DISC1: variants seen among roughly 807,000 people sequenced by gnomAD.
The protein encoded by DISC1 is DISC1 scaffold protein, also known as disrupted in schizophrenia 1 protein.
Under a neutral mutation model 84.5 loss-of-function variants are expected in DISC1, and 57 were observed. The observed-to-expected ratio is 0.67, with a 90% confidence interval of 0.55 to 0.84. DISC1 has a LOEUF of 0.84. Ranked by LOEUF, DISC1 falls within the 40% of genes least tolerant of loss-of-function variation. The pLI is 0.00. For synonymous variants in DISC1, 411 were observed against 415.2 expected, an observed-to-expected ratio of 0.99 and a Z score of 0.12; for missense variants, 1,000 against 1,057.8, an observed-to-expected ratio of 0.95 and a Z score of 0.76.
chr1:232,015,261 C>T (rs1480046050), intron 11 of DISC1, among the ~76,000 whole-genome samples: 2 of 152,034 alleles, frequency 1.3e-5, no homozygotes, highest in African/African-American at 4.8e-5. Context: ...GAACCTTGCT[C>T]CATGCTCCAG....
At chr1:231,830,810 C>T (rs1180494860) in intron 9 of DISC1, among the ~76,000 whole-genome samples, 1 of 152,034 alleles carries the variant, frequency 6.6e-6, no homozygotes, top group Non-Finnish European at 1.5e-5. Context: ...AAGTATTGTC[C>T]AGTCCTTTTT....
intron 3 of DISC1, among the ~76,000 whole-genome samples, chr1:231,744,063 T>C (rs969247330): frequency 1.3e-5 from 2 of 152,220 alleles, no homozygotes; most frequent in Non-Finnish European, 2.9e-5. Context: ...GTGTTTTAAT[T>C]TAGACTTGAG....
chr1:231,739,383 C>T (rs1317567123), intron 3 of DISC1, among the ~76,000 whole-genome samples: 2 of 152,338 alleles, frequency 1.3e-5, no homozygotes, highest in Non-Finnish European at 1.5e-5. Flanking sequence ...TTTATCCCAG[C>T]TGTCTTCCCC....
chr1:232,008,424 G>C (rs1459001090), intron 10 of DISC1, among the ~76,000 whole-genome samples: 1 of 152,210 alleles, frequency 6.6e-6, no homozygotes, highest in Non-Finnish European at 1.5e-5. Flanking sequence ...GACAGAGAGA[G>C]TTGATCTAGC....
intron 3 of DISC1, among the ~76,000 whole-genome samples, chr1:231,740,561 C>A (rs148389317): frequency 6.6e-6 from 1 of 152,166 alleles, no homozygotes; most frequent in African/African-American, 2.4e-5. Flanking sequence ...TGTTCTGCAG[C>A]GCACATGGAG....
chr1:232,024,014 A>AAT (rs199585866), intron 11 of DISC1, among the ~76,000 whole-genome samples: 64 of 145,136 alleles, frequency 4.4e-4, no homozygotes, highest in East Asian at 3.6e-3. Context: ...GGTCAGTAAA[A>AAT]ATATATATAT....
intron 10 of DISC1, among the ~76,000 whole-genome samples, chr1:231,983,688 C>A (rs1459122314): frequency 1.3e-5 from 2 of 151,114 alleles, no homozygotes; most frequent in Admixed American, 6.6e-5. Flanking sequence ...TCCTGCAAGG[C>A]CTTTCTAGCT....
intron 1 of DISC1, among the ~76,000 whole-genome samples, chr1:231,650,154 G>T (rs933155727): frequency 1.3e-5 from 2 of 152,192 alleles, no homozygotes; most frequent in Non-Finnish European, 2.9e-5. Context: ...TTTCTTCCTA[G>T]CATTGATGGT....
intron 9 of DISC1, among the ~76,000 whole-genome samples, chr1:231,944,586 G>A (rs1049678035): frequency 6.6e-6 from 1 of 152,112 alleles, no homozygotes; most frequent in Non-Finnish European, 1.5e-5. Context: ...AGCATCCAGG[G>A]TGTTAAACTC....
At chr1:232,015,655 C>T (rs1033604785) in intron 11 of DISC1, among the ~76,000 whole-genome samples, 1 of 152,186 alleles carries the variant, frequency 6.6e-6, no homozygotes, top group Admixed American at 6.5e-5. Context: ...ATAAGCTGGT[C>T]GTGAGCTATT....
At chr1:231,715,736 G>A (rs1265729682) in intron 3 of DISC1, among the ~76,000 whole-genome samples, 1 of 152,196 alleles carries the variant, frequency 6.6e-6, no homozygotes, top group East Asian at 1.9e-4. Context: ...GGGATAGTCA[G>A]TACTAAAAGC....
intron 1 of DISC1, among the ~76,000 whole-genome samples, chr1:231,670,000 A>G (rs1349196636): frequency 6.6e-6 from 1 of 152,232 alleles, no homozygotes; most frequent in Non-Finnish European, 1.5e-5. Context: ...GACTGGATAA[A>G]GAAAATGTGG....
intron 4 of DISC1, among the ~76,000 whole-genome samples, chr1:231,760,685 G>A (rs1355980301): frequency 2.6e-5 from 4 of 152,192 alleles, no homozygotes; most frequent in Non-Finnish European, 4.4e-5. Flanking sequence ...GTGAAGATGC[G>A]TAAACCACAG....
chr1:231,629,962 T>C (rs1261968873), intron 1 of DISC1, among the ~76,000 whole-genome samples: 2 of 152,218 alleles, frequency 1.3e-5, no homozygotes, highest in Non-Finnish European at 2.9e-5. Context: ...AGACGGAGTC[T>C]CGTTCTGTCG....
intron 8 of DISC1, among the ~76,000 whole-genome samples, chr1:231,805,664 A>G (rs905762384): frequency 2.0e-5 from 3 of 151,896 alleles, no homozygotes; most frequent in African/African-American, 7.3e-5. Context: ...TGATCCAATC[A>G]CCTTCCACTG....
At chr1:231,709,602 C>G (rs1229649417) in intron 3 of DISC1, among the ~76,000 whole-genome samples, 1 of 152,012 alleles carries the variant, frequency 6.6e-6, no homozygotes, top group Non-Finnish European at 1.5e-5. Flanking sequence ...TGTCATGGTG[C>G]ATTATTCATG....
chr1:231,657,692 T>C (rs1458215276), intron 1 of DISC1, among the ~76,000 whole-genome samples: 1 of 152,246 alleles, frequency 6.6e-6, no homozygotes, highest in East Asian at 1.9e-4. Context: ...TTCAATTTTC[T>C]GCATATGGCT....
At position 231,775,255 on chromosome 1, in the gene DISC1, C is replaced by T. The variant is rs148970066; in HGVS notation, c.1634+4185C>T. On this transcript the variant is annotated intron_variant, in intron 6 of 12. Transcript: ENST00000439617. Reference sequence around the variant, plus strand: ...GCAATATGCTTTGTTTCGTGGACAACGACCCAACAACTTGAAAAGAAACTT... The same window carrying T: ...GCAATATGCTTTGTTTCGTGGACAATGACCCAACAACTTGAAAAGAAACTT... Among the ~76,000 whole-genome samples the T allele has an allele frequency of 9.9e-3, 1,509 of 152,314 alleles. 14 individuals carry two copies. Among genetic ancestry groups the T allele is most frequent in the African/African-American group, 0.033 (1,386 of 41,576 alleles).
chr1:231,883,319 A>AT (rs1256815043), intron 9 of DISC1, among the ~76,000 whole-genome samples: 1 of 152,126 alleles, frequency 6.6e-6, no homozygotes, highest in Non-Finnish European at 1.5e-5. Flanking sequence ...AACAAAAAAA[A>AT]CCCAACCCTC....
Sources: gnomAD v4.1 joint callset for allele counts (sites outside exome capture counted in the v4.1 genomes callset) on GRCh38, gnomAD v4.1.1 for gene constraint, MANE v1.5 for transcripts, NCBI Gene and HGNC (gene_info 2026-07-23, HGNC 2026-07-21) for gene names.